The following NAALADL2 variants were observed in gnomAD, a reference collection of about 807,000 sequenced individuals.
The protein encoded by NAALADL2 is inactive N-acetylated-alpha-linked acidic dipeptidase-like protein 2.
A neutral mutation model predicts 87.2 loss-of-function variants in NAALADL2; 76 were observed. The ratio of observed to expected loss-of-function variants is 0.87; its 90% CI spans 0.72 to 1.05. The LOEUF (loss-of-function observed/expected upper bound fraction) is 1.05. Among genes scored for constraint, NAALADL2 ranks in the 50% least tolerant of loss-of-function variants. The pLI, the probability that NAALADL2 is intolerant of heterozygous loss-of-function variation, is 0.00. For missense variants in NAALADL2, 1,089 were observed against 945.8 expected (o/e 1.15, Z -1.99); for synonymous variants, 354 against 331.0 (o/e 1.07, Z -0.75).
At chr3:175,435,622 G>T (rs1015746527) in intron 5 of NAALADL2, among the ~76,000 whole-genome samples, 1 of 152,026 alleles carries the variant, frequency 6.6e-6, no homozygotes, top group East Asian at 1.9e-4. Context: ...GGAGGGAAGA[G>T]AATGATGGTA....
intron 2 of NAALADL2, among the ~76,000 whole-genome samples, chr3:174,639,099 T>G (rs1480095903): frequency 2.0e-5 from 3 of 152,198 alleles, no homozygotes; most frequent in Non-Finnish European, 4.4e-5. Flanking sequence ...CTGTACCTGC[T>G]TCTAGTTAGC....
chr3:174,806,136 TG>T (rs1377128150), intron 3 of NAALADL2, among the ~76,000 whole-genome samples: 5 of 152,210 alleles, frequency 3.3e-5, no homozygotes, highest in Non-Finnish European at 7.3e-5. Context: ...CTTTTGTCCC[TG>T]GTTGGGCTTC....
At position 175,805,594 on chromosome 3, in the gene NAALADL2, TCCCCA is replaced by T. The variant is rs1754631569; in HGVS notation, c.*2396_*2400del. 7.0e-6 allele frequency: 1 copy of T among 143,352 alleles called. No homozygotes were observed. The highest frequency in any genetic ancestry group is 6.9e-5 in the Admixed American group (1 of 14,452). The allele number at this position is 143,352 out of a possible 1,614,324, so 8.9% of individuals were successfully genotyped here. ...TGTATATCATTTCACTCCCCTCCCC[TCCCCA>T]CCCCCAATAGATTCAAATAAATAAA... On this transcript the variant is annotated 3_prime_UTR_variant, in exon 14 of 14. Transcript: ENST00000454872.
intron 3 of NAALADL2, among the ~76,000 whole-genome samples, chr3:174,813,413 G>GAC (rs538652487): frequency 6.9e-4 from 105 of 152,086 alleles, no homozygotes; most frequent in Admixed American, 4.3e-3. Flanking sequence ...TCTATGTTTA[G>GAC]ACACACAAAT....
At chr3:175,061,066 T>C (rs959956802) in intron 1 of NAALADL2, among the ~76,000 whole-genome samples, 1 of 152,040 alleles carries the variant, frequency 6.6e-6, no homozygotes, top group Non-Finnish European at 1.5e-5. Context: ...AAAAAAATCC[T>C]TCAGAGAAGC....
intron 1 of NAALADL2, among the ~76,000 whole-genome samples, chr3:174,504,895 C>T (rs1315753716): frequency 6.6e-6 from 1 of 152,056 alleles, no homozygotes; most frequent in Non-Finnish European, 1.5e-5. Context: ...TCTGTTTTTA[C>T]AGTCATTTTC....
chr3:175,250,085 G>A (rs955715535), intron 3 of NAALADL2, among the ~76,000 whole-genome samples: 5 of 151,400 alleles, frequency 3.3e-5, no homozygotes, highest in Non-Finnish European at 5.9e-5. Context: ...CAGGAGAATC[G>A]CTTGAACCCG....
rs1033300304 is a variant in NAALADL2 at position 174,744,311 on chromosome 3, G to A, written c.-9+6565G>A. Among the ~76,000 whole-genome samples the A allele has an allele frequency of 2.0e-5, 3 of 151,830 alleles. No individual in the cohort carries two copies. In the East Asian group the frequency reaches 5.8e-4, roughly 29 times the overall value. ...TATGTCAGAGTGATGTGATGTATGAGACTCAAGCAGCCATTGGTTGCTTTG... is the reference window on the plus strand; with the variant it reads ...TATGTCAGAGTGATGTGATGTATGAAACTCAAGCAGCCATTGGTTGCTTTG... On this transcript the variant is annotated intron_variant, in intron 3 of 3. Transcript: ENST00000434257.
intron 10 of NAALADL2, among the ~76,000 whole-genome samples, chr3:175,603,599 T>C (rs1723251312): frequency 6.6e-6 from 1 of 152,162 alleles, no homozygotes; most frequent in African/African-American, 2.4e-5. Context: ...CATATTTCAC[T>C]TAGGATAAAG....
At chr3:174,913,438 C>A (rs543135987) in intron 1 of NAALADL2, among the ~76,000 whole-genome samples, 18 of 152,212 alleles carry the variant, frequency 1.2e-4, no homozygotes, top group African/African-American at 4.3e-4. Flanking sequence ...TCTTTTGTTG[C>A]TGCTGCCTCA....
chr3:175,609,507 A>C (rs1724290379), intron 10 of NAALADL2: 1 of 152,086 alleles, frequency 6.6e-6, no homozygotes, highest in Non-Finnish European at 1.5e-5. Flanking sequence ...TATCGTAGCC[A>C]ATGAGGTTTA....
Position 175,638,624 on chromosome 3 carries a change from C to T in NAALADL2, c.1896+11238C>T, listed in dbSNP as rs568697449. ...TGGATTGCACAGGTATAGCTTCTTC[C>T]GGTACTAGTTATTAGGATCCAAATG... On this transcript the variant is annotated intron_variant, in intron 11 of 13. Coordinates refer to ENST00000454872, the MANE Select transcript of NAALADL2 (RefSeq NM_207015.3). Among the ~76,000 whole-genome samples, 14 of 152,172 alleles carry T rather than the reference C, an allele frequency of 9.2e-5. No individual in the cohort carries two copies. In the South Asian group the frequency reaches 1.0e-3, roughly 11 times the overall value.
chr3:174,848,480 G>T (rs773503322), intron 3 of NAALADL2, among the ~76,000 whole-genome samples: 37 of 152,208 alleles, frequency 2.4e-4, no homozygotes, highest in Non-Finnish European at 5.3e-4. Context: ...TGATGTGGTT[G>T]AATATAATGT....
rs575394658 is a variant in NAALADL2, at chr3:175,757,014, GTGTGTT to G, written c.2189+1602_2189+1607del. 7.3e-5 allele frequency among the ~76,000 whole-genome samples: 11 copies of G among 151,318 alleles called. No homozygotes were observed. In the East Asian group the frequency reaches 2.1e-3, roughly 29 times the overall value. On this transcript the variant is annotated intron_variant, in intron 13 of 13. Coordinates refer to ENST00000454872, the MANE Select transcript of NAALADL2 (RefSeq NM_207015.3). ...ATATATATTTTTTATATGTGTATGT[GTGTGTT>G]TGTGTGTATGTGTATGTATGTATGT...
At chr3:175,142,075 T>C (rs982337043) in intron 2 of NAALADL2, among the ~76,000 whole-genome samples, 1 of 152,066 alleles carries the variant, frequency 6.6e-6, no homozygotes, top group African/African-American at 2.4e-5. Flanking sequence ...CTCGACCTCA[T>C]GCCCAGCACA....
chr3:174,467,412 G>C (rs1041555556), intron 1 of NAALADL2, among the ~76,000 whole-genome samples: 1 of 151,748 alleles, frequency 6.6e-6, no homozygotes, highest in Non-Finnish European at 1.5e-5. Flanking sequence ...GGCCAACATG[G>C]TGAAACCCCG....
chr3:175,500,780 A>C (rs1458633436), intron 9 of NAALADL2, among the ~76,000 whole-genome samples: 1 of 152,126 alleles, frequency 6.6e-6, no homozygotes, highest in East Asian at 1.9e-4. Flanking sequence ...TACATAGCTA[A>C]AAAGTGGCAG....
At chr3:174,766,545 C>T (rs1352671245) in intron 3 of NAALADL2, among the ~76,000 whole-genome samples, 2 of 152,170 alleles carry the variant, frequency 1.3e-5, no homozygotes, top group Non-Finnish European at 2.9e-5. Context: ...TCAAAGGGCA[C>T]CTTCTTCAAA....
chr3:175,233,790 T>A (rs1745373428), intron 2 of NAALADL2, 141 bp from the exon 3 acceptor site: 1 of 605,090 alleles, frequency 1.7e-6, no homozygotes, highest in Non-Finnish European at 2.9e-6. Context: ...GTGTTTATGT[T>A]TCATGTGATA....
Sources: allele counts gnomAD v4.1 joint callset (sites outside exome capture counted in the v4.1 genomes callset), GRCh38; gene constraint gnomAD v4.1.1; transcripts MANE v1.5; gene names NCBI Gene and HGNC (gene_info 2026-07-23, HGNC 2026-07-21).